ZNRF3: variants seen among roughly 807,000 people sequenced by gnomAD.
ZNRF3 encodes the protein E3 ubiquitin-protein ligase ZNRF3.
In ZNRF3, 23 loss-of-function variants were observed where a neutral mutation model predicts 72.5. That is an observed-to-expected ratio of 0.32 (90% CI 0.23 to 0.45). ZNRF3 has a LOEUF of 0.45. Among genes scored for constraint, ZNRF3 ranks in the 20% least tolerant of loss-of-function variants. The probability of loss-of-function intolerance (pLI) is 1.00; values close to 1 mark genes in which losing one functional copy is unlikely to be tolerated. For synonymous variants in ZNRF3, 610 were observed against 545.3 expected, an observed-to-expected ratio of 1.12 and a Z score of -1.65; for missense variants, 1,169 against 1,272.1, an observed-to-expected ratio of 0.92 and a Z score of 1.23.
At chr22:28,943,551 G>A (rs1403301609) in intron 1 of ZNRF3, among the ~76,000 whole-genome samples, 1 of 152,116 alleles carries the variant, frequency 6.6e-6, no homozygotes, top group Non-Finnish European at 1.5e-5. Flanking sequence ...TATTAGTGCC[G>A]AATCAAACAG....
chr22:29,003,389 G>A (rs547841231), intron 2 of ZNRF3, among the ~76,000 whole-genome samples: 6 of 152,048 alleles, frequency 3.9e-5, no homozygotes, highest in South Asian at 2.1e-4. Flanking sequence ...GCGTGGTGGC[G>A]GGCGCCTGTA....
In ZNRF3 at chr22:28,971,959, C is replaced by T. The variant is rs77593836; in HGVS notation, c.301-15117C>T. Among the ~76,000 whole-genome samples the T allele has an allele frequency of 3.3e-3, 497 of 152,238 alleles. 1 individual carries two copies. The highest frequency in any genetic ancestry group is 0.016 in the East Asian group (85 of 5,176). On this transcript the variant is annotated intron_variant, in intron 1 of 8. Coordinates refer to ENST00000544604, the MANE Select transcript of ZNRF3 (RefSeq NM_001206998.2). ...CTGGCTTCAAGTGATCCCCTTGCTT[C>T]GGCCTCCCAAAGTGCTGGGATTACA...
chr22:28,941,206 C>G (rs2034941068), intron 1 of ZNRF3, among the ~76,000 whole-genome samples: 1 of 152,070 alleles, frequency 6.6e-6, no homozygotes, highest in South Asian at 2.1e-4. Context: ...AATCAAGAGT[C>G]CTTTGCATGT....
intron 1 of ZNRF3, among the ~76,000 whole-genome samples, chr22:28,921,792 A>G (rs2034518361): frequency 1.3e-5 from 2 of 152,220 alleles, no homozygotes; most frequent in South Asian, 4.1e-4. Flanking sequence ...TGGGACTGAA[A>G]TGCTATTATC....
At chr22:28,919,238 A>G (rs1319705714) in intron 1 of ZNRF3, among the ~76,000 whole-genome samples, 3 of 152,158 alleles carry the variant, frequency 2.0e-5, no homozygotes, top group African/African-American at 7.2e-5. Context: ...CTTCATATGG[A>G]TTTCTTACAT....
chr22:28,889,979 G>A (rs2033856078), intron 1 of ZNRF3, among the ~76,000 whole-genome samples: 1 of 152,188 alleles, frequency 6.6e-6, no homozygotes, highest in South Asian at 2.1e-4. Flanking sequence ...TATGCATGAG[G>A]CACTCAGTAT....
chr22:28,908,047 G>C (rs2034245014), intron 1 of ZNRF3, among the ~76,000 whole-genome samples: 1 of 152,224 alleles, frequency 6.6e-6, no homozygotes, highest in African/African-American at 2.4e-5. Flanking sequence ...TTATTTGGCT[G>C]TTTGGAGGGA....
At position 29,054,332 on chromosome 22, in the gene ZNRF3, A is replaced by G. The variant is rs970861822; in HGVS notation, c.*710A>G. 2.6e-5 allele frequency: 4 copies of G among 152,356 alleles called. No homozygotes were observed. The highest frequency in any genetic ancestry group is 2.4e-5 in the African/African-American group (1 of 41,466). The allele number at this position is 152,356 out of a possible 1,614,324, so 9.4% of individuals were successfully genotyped here. Reference sequence around the variant, plus strand: ...TCCACAGCCCTGCGGAGCCAGGTCAAGCCGCTGCTATGAAAGCTCCAGGGT... The same window carrying G: ...TCCACAGCCCTGCGGAGCCAGGTCAGGCCGCTGCTATGAAAGCTCCAGGGT... On this transcript the variant is annotated 3_prime_UTR_variant, in exon 9 of 9. Transcript: ENST00000544604.
At chr22:28,940,495 G>GTTTTTTT (rs2034921298) in intron 1 of ZNRF3, among the ~76,000 whole-genome samples, 1 of 107,246 alleles carries the variant, frequency 9.3e-6, no homozygotes, top group Non-Finnish European at 2.0e-5. Flanking sequence ...CTAGGTTTCT[G>GTTTTTTT]CTTTTTTTTT....
At chr22:28,973,249 G>C (rs2035608457) in intron 1 of ZNRF3, among the ~76,000 whole-genome samples, 1 of 152,064 alleles carries the variant, frequency 6.6e-6, no homozygotes, top group Non-Finnish European at 1.5e-5. Flanking sequence ...CAAAGTGCTG[G>C]GATTACAGGT....
chr22:29,021,962 C>G (rs988567472), intron 2 of ZNRF3, among the ~76,000 whole-genome samples: 3 of 152,088 alleles, frequency 2.0e-5, no homozygotes, highest in Admixed American at 6.5e-5. Flanking sequence ...TCACTCCCCC[C>G]ACATTCCCTC....
chr22:28,970,000 A>C (rs1324963549), intron 1 of ZNRF3, among the ~76,000 whole-genome samples: 1 of 152,236 alleles, frequency 6.6e-6, no homozygotes, highest in African/African-American at 2.4e-5. Context: ...ATGAAATGCC[A>C]TTACTTGAGA....
chr22:28,913,620 G>A (rs1215324889), intron 1 of ZNRF3, among the ~76,000 whole-genome samples: 1 of 152,146 alleles, frequency 6.6e-6, no homozygotes, highest in African/African-American at 2.4e-5. Flanking sequence ...GCTTAGATTT[G>A]TGGTCTTCTC....
intron 1 of ZNRF3, among the ~76,000 whole-genome samples, chr22:28,972,450 A>G (rs920715137): frequency 3.9e-5 from 6 of 152,212 alleles, no homozygotes; most frequent in African/African-American, 1.4e-4. Context: ...ACTCTGTTCA[A>G]TTTTGTGGCC....
intron 1 of ZNRF3, among the ~76,000 whole-genome samples, chr22:28,894,123 AT>A (rs771660791): frequency 4.0e-3 from 562 of 142,142 alleles, no homozygotes; most frequent in Middle Eastern, 3.8e-3. Context: ...TGCCTGGCTA[AT>A]TTTTTTTTTT....
At chr22:29,018,863 C>T (rs961466976) in intron 2 of ZNRF3, among the ~76,000 whole-genome samples, 14 of 151,818 alleles carry the variant, frequency 9.2e-5, no homozygotes, top group African/African-American at 3.1e-4. Flanking sequence ...TAAAACATAG[C>T]ACCCTAAAAA....
chr22:28,977,807 GC>G (rs2035701917), intron 1 of ZNRF3, among the ~76,000 whole-genome samples: 1 of 152,150 alleles, frequency 6.6e-6, no homozygotes, highest in African/African-American at 2.4e-5. Context: ...AGCACCACTA[GC>G]CCTAGTTTCA....
At chr22:28,897,296 C>T (rs1281354914) in intron 1 of ZNRF3, among the ~76,000 whole-genome samples, 1 of 152,104 alleles carries the variant, frequency 6.6e-6, no homozygotes, top group Non-Finnish European at 1.5e-5. Flanking sequence ...CTGGGCTTTC[C>T]TCTCTCAGTG....
intron 2 of ZNRF3, among the ~76,000 whole-genome samples, chr22:29,035,370 T>C (rs898213603): frequency 6.6e-6 from 1 of 151,978 alleles, no homozygotes; most frequent in African/African-American, 2.4e-5. Flanking sequence ...ACAGAGAAAA[T>C]ATAGAAATCT....
Sources: gnomAD v4.1 joint callset for allele counts (sites outside exome capture counted in the v4.1 genomes callset) on GRCh38, gnomAD v4.1.1 for gene constraint, MANE v1.5 for transcripts, NCBI Gene and HGNC (gene_info 2026-07-23, HGNC 2026-07-21) for gene names.